STOX2: variants seen among roughly 807,000 people sequenced by gnomAD.
STOX2 encodes storkhead box 2.
Under a neutral mutation model 60.9 loss-of-function variants are expected in STOX2, and 28 were observed. That is an observed-to-expected ratio of 0.46 (90% CI 0.34 to 0.63). The LOEUF (loss-of-function observed/expected upper bound fraction) is 0.63. STOX2 is among the 30% of genes least tolerant of loss of function. The pLI is 0.01. For missense variants in STOX2, 1,024 were observed against 1,187.7 expected (o/e 0.86, Z 2.03); for synonymous variants, 472 against 463.9 (o/e 1.02, Z -0.22).
intron 3 of STOX2, among the ~76,000 whole-genome samples, chr4:184,013,527 A>G (rs1734243454): frequency 6.6e-6 from 1 of 152,226 alleles, no homozygotes; most frequent in Admixed American, 6.5e-5. Flanking sequence ...TATCACCTAT[A>G]CATGTTATAC....
At chr4:183,820,656 A>G (rs577962147) in intron 1 of STOX2, among the ~76,000 whole-genome samples, 3 of 152,346 alleles carry the variant, frequency 2.0e-5, no homozygotes, top group East Asian at 3.9e-4. Flanking sequence ...TTATTAGGCT[A>G]TGTATCTTGC....
intron 1 of STOX2, among the ~76,000 whole-genome samples, chr4:183,889,621 C>T (rs778184652): frequency 2.0e-5 from 3 of 152,214 alleles, no homozygotes; most frequent in Non-Finnish European, 2.9e-5. Flanking sequence ...CCTGAGCCTC[C>T]GTGAAGGAGG....
intron 1 of STOX2, among the ~76,000 whole-genome samples, chr4:183,913,780 G>A (rs1741854387): frequency 1.3e-5 from 2 of 151,876 alleles, no homozygotes; most frequent in Admixed American, 1.3e-4. Flanking sequence ...GGAGTGTGGG[G>A]GTGGAGGGGT....
chr4:183,897,365 A>G (rs1741361097), intron 1 of STOX2, among the ~76,000 whole-genome samples: 1 of 152,158 alleles, frequency 6.6e-6, no homozygotes, highest in Admixed American at 6.5e-5. Context: ...AGATGACTGT[A>G]TTTTGGTGCT....
chr4:183,808,976 T>A (rs1176701312), intron 1 of STOX2, among the ~76,000 whole-genome samples: 1 of 152,236 alleles, frequency 6.6e-6, no homozygotes, highest in African/African-American at 2.4e-5. Flanking sequence ...ATTGTTTTTC[T>A]AGGGGTAGTG....
rs76924978 is a variant in STOX2, at chr4:183,857,627, T to G, written c.364+59572T>G. Among the ~76,000 whole-genome samples, 174 of 152,290 alleles carry G rather than the reference T, an allele frequency of 1.1e-3. 3 individuals are homozygous for G. The South Asian group carries it at 0.023, about 20-fold the overall frequency. On this transcript the variant is annotated intron_variant, in intron 1 of 2. Coordinates refer to the STOX2 transcript ENST00000513034. ...TCATTCCTTTTATCTTGTTACCCCT[T>G]ACCTCTGGGGTCCTTCCCACCTCCT...
chr4:183,938,664 G>C (rs946522743), intron 1 of STOX2, among the ~76,000 whole-genome samples: 2 of 74,824 alleles, frequency 2.7e-5, no homozygotes, highest in African/African-American at 5.2e-5. Context: ...GTGAGACTCC[G>C]TCTCCAAAAA....
chr4:183,881,295 G>A (rs1021211530), intron 1 of STOX2, among the ~76,000 whole-genome samples: 1 of 152,170 alleles, frequency 6.6e-6, no homozygotes, highest in Admixed American at 6.5e-5. Flanking sequence ...GAGGTCAGGA[G>A]TTCGAGACCA....
Position 184,017,212 on chromosome 4 carries a change from G to C in STOX2, c.2709G>C (p.Glu903Asp). ...CCTTCAACTTCCGAGCGAGCGCGGA[G>C]CCCCCGACAAATGAAGCTGAGAAGC... ...GPAFNFRASAEPPTNEAEKLQ... is the reference protein window; with the variant it reads ...GPAFNFRASADPPTNEAEKLQ... Residue 903 changes from glutamate to aspartate, a missense_variant, in exon 4 of 4, where the codon GAG (glutamate) becomes GAC (aspartate). Glu to Asp is a conservative substitution (Grantham distance 45, BLOSUM62 2). This residue lies in a region of STOX2 where 922 missense variants were observed against 1,058.3 expected (regional missense o/e 0.87). Transcript: ENST00000308497. 6.2e-7 allele frequency: 1 copy of C among 1,611,254 alleles called. No homozygotes were observed.
chr4:183,883,502 T>A (rs1579371367), intron 1 of STOX2, among the ~76,000 whole-genome samples: 1 of 152,100 alleles, frequency 6.6e-6, no homozygotes, highest in East Asian at 1.9e-4. Context: ...TGTTTTTTAG[T>A]AGGGATGGTT....
At chr4:183,798,156 A>G in intron 1 of STOX2, 1 of 1,137,568 alleles carries the variant, frequency 8.8e-7, no homozygotes, top group Non-Finnish European at 1.1e-6. Flanking sequence ...CGCCGCGGGC[A>G]CCGCCGAGGC....
chr4:183,983,163 C>T (rs1291606226), intron 1 of STOX2, among the ~76,000 whole-genome samples: 5 of 152,214 alleles, frequency 3.3e-5, no homozygotes, highest in African/African-American at 9.6e-5. Flanking sequence ...ACACTCTCAT[C>T]TTGCCTCTCC....
chr4:183,847,845 C>T (rs191691552), intron 1 of STOX2, among the ~76,000 whole-genome samples: 23 of 152,280 alleles, frequency 1.5e-4, no homozygotes, highest in South Asian at 1.0e-3. Context: ...CCCTATTCCA[C>T]GATTTTCGCT....
At chr4:183,928,217 TC>T (rs925635593) in intron 1 of STOX2, among the ~76,000 whole-genome samples, 8 of 38,698 alleles carry the variant, frequency 2.1e-4, no homozygotes, top group Non-Finnish European at 6.9e-4. Flanking sequence ...TGGGGAGCCC[TC>T]GGGGGGGGGC....
intron 1 of STOX2, among the ~76,000 whole-genome samples, chr4:183,879,871 T>C (rs1302574123): frequency 6.6e-6 from 1 of 152,052 alleles, no homozygotes; most frequent in Non-Finnish European, 1.5e-5. Flanking sequence ...TGAGAGGCGA[T>C]AGTACGACAT....
At position 183,874,987 on chromosome 4, in the gene STOX2, AT is replaced by A. The variant is rs1560857916; in HGVS notation, c.364+76933del. Among the ~76,000 whole-genome samples, 39 of 99,806 alleles carry A rather than the reference AT, an allele frequency of 3.9e-4. 1 individual carries two copies. The highest frequency in any genetic ancestry group is 1.5e-3 in the African/African-American group (34 of 22,868). The allele number at this position is 99,806 out of a possible 152,430, so 65.5% of individuals were successfully genotyped here. A position where few individuals can be genotyped will look rare whatever the true frequency, so the allele number is the denominator to read the frequency against. On this transcript the variant is annotated intron_variant, in intron 1 of 2. Transcript: ENST00000513034. ...TATATATATATATATATATATATAT[AT>A]ATATAAAACTTAGAATTTTGCAGTG...
intron 1 of STOX2, among the ~76,000 whole-genome samples, chr4:183,955,910 T>A (rs7672646): frequency 6.6e-6 from 1 of 151,958 alleles, no homozygotes; most frequent in Non-Finnish European, 1.5e-5. Context: ...TTGCGCCAGT[T>A]TCCCTGGAAG....
rs1739704688 is a variant in STOX2 at position 183,836,234 on chromosome 4, CT to C, written c.364+38180del. 6.6e-6 allele frequency among the ~76,000 whole-genome samples: 1 copy of C among 152,120 alleles called. No individual in the cohort carries two copies. The highest frequency in any genetic ancestry group is 1.5e-5 in the Non-Finnish European group (1 of 68,020). On this transcript the variant is annotated intron_variant, in intron 1 of 2. Transcript: ENST00000513034. This position sits in a 1 kb window ranked among gnomAD's most constrained non-coding sequence, Gnocchi z 4.1. ...TTGACTTTGGTATTTGTTGTTTGGA[CT>C]CTCCTTCTCCTGGCTTGTGGAGATT...
intron 1 of STOX2, among the ~76,000 whole-genome samples, chr4:183,955,512 A>G (rs1315862229): frequency 6.6e-6 from 1 of 152,134 alleles, no homozygotes; most frequent in Non-Finnish European, 1.5e-5. Flanking sequence ...TAGCTTTGAG[A>G]GCGCCCTGTC....
Sources: allele counts gnomAD v4.1 joint callset (sites outside exome capture counted in the v4.1 genomes callset), GRCh38; gene constraint gnomAD v4.1.1; regional missense constraint gnomAD v4.1.1; non-coding constraint Gnocchi (gnomAD v3.1); transcripts MANE v1.5; gene names NCBI Gene and HGNC (gene_info 2026-07-23, HGNC 2026-07-21).